Variants in SCNM1 observed in about 807,000 individuals in gnomAD.
SCNM1 encodes sodium channel modifier 1.
In SCNM1, 24 loss-of-function variants were observed where a neutral mutation model predicts 32.8. That is an observed-to-expected ratio of 0.73 (90% CI 0.53 to 1.03). The LOEUF (loss-of-function observed/expected upper bound fraction) is 1.03. SCNM1 is among the 50% of genes least tolerant of loss of function. SCNM1 has a pLI of 0.00. For synonymous variants in SCNM1, 99 were observed against 103.2 expected, an observed-to-expected ratio of 0.96 and a Z score of 0.25; for missense variants, 274 against 282.3, an observed-to-expected ratio of 0.97 and a Z score of 0.21.
rs1040716312 is a variant in SCNM1, at chr1:151,166,542, G to GT, written c.122+2dup. 1 of 1,613,750 alleles carries GT rather than the reference G, an allele frequency of 6.2e-7. No individual in the cohort carries two copies. ...AGGCGCTGATGCTTCGGGATGGACGGTAAGAGCAAGGAGTGGCTCAAGCCT... is the reference window on the plus strand; with the variant it reads ...AGGCGCTGATGCTTCGGGATGGACGGTTAAGAGCAAGGAGTGGCTCAAGCCT... On this transcript the variant is annotated splice_donor_variant, in intron 2 of 6. Transcript: ENST00000368905. LOFTEE classifies it high-confidence loss of function.
rs1218141282 is a variant in SCNM1, at chr1:151,169,046, C to T, written c.654C>T (p.Asp218=). ...RWVKDENVEF[D]SDEEEPPDLP... is the part of the protein sequence containing the mutation. ...TAAAAGATGAAAATGTTGAGTTTGA[C>T]TCTGATGAGGAGGAACCACCTGATC... is the stretch of plus-strand genomic sequence containing the variant. The change falls in exon 7 of 7, where the codon GAC becomes GAT. Residue 218 remains aspartate (D), a synonymous_variant. Coordinates refer to ENST00000368905, the MANE Select transcript of SCNM1 (RefSeq NM_024041.4). 1 of 1,614,032 alleles carries T rather than the reference C, an allele frequency of 6.2e-7. No homozygotes were observed. The highest frequency in any genetic ancestry group is 1.7e-5 in the Admixed American group (1 of 59,992).
chr1:151,168,817 T>G (rs1683839414), intron 6 of SCNM1, among the ~76,000 whole-genome samples, 169 bp from the exon 7 acceptor site: 1 of 85,942 alleles, frequency 1.2e-5, no homozygotes, highest in East Asian at 2.7e-4. Flanking sequence ...TTTTTTTTTT[T>G]GGTAGAGACA....
Position 151,166,216 on chromosome 1 carries a change from G to A in SCNM1, c.51+13G>A, listed in dbSNP as rs752885739. 1.3e-5 allele frequency: 21 copies of A among 1,590,934 alleles called. No homozygotes were observed. The highest frequency in any genetic ancestry group is 1.8e-5 in the Non-Finnish European group (21 of 1,167,478). On this transcript the variant is annotated intron_variant, in intron 1 of 6. Coordinates refer to ENST00000368905, the MANE Select transcript of SCNM1 (RefSeq NM_024041.4). ...CAATGTGCTCAAAGTAAGCGTGAGCGGAGAGGATCTGGAGCCGCTTCAGTC... is the reference window on the plus strand; with the variant it reads ...CAATGTGCTCAAAGTAAGCGTGAGCAGAGAGGATCTGGAGCCGCTTCAGTC...
intron 5 of SCNM1, 52 bp from the exon 6 acceptor site, chr1:151,168,092 G>A (rs1232317781): frequency 2.0e-6 from 3 of 1,520,274 alleles, no homozygotes; most frequent in Non-Finnish European, 2.7e-6. Flanking sequence ...GGAGTCATAG[G>A]AGAGTTGGCC....
intron 3 of SCNM1, 42 bp from the exon 4 acceptor site, chr1:151,167,079 T>C (rs1683740061): frequency 6.2e-7 from 1 of 1,614,114 alleles, no homozygotes; most frequent in African/African-American, 1.3e-5. Flanking sequence ...TGCACACCAC[T>C]CTTGGTGCTA....
rs1349343262 is a variant in SCNM1, at chr1:151,166,925, C to T, written c.123-9C>T. The T allele has an allele frequency of 1.2e-6, 2 of 1,613,970 alleles. No individual in the cohort carries two copies. The highest frequency in any genetic ancestry group is 2.2e-5 in the East Asian group (1 of 44,882). On this transcript the variant is annotated splice_polypyrimidine_tract_variant and intron_variant, in intron 2 of 6. Transcript: ENST00000368905. ...TGGACCACTTATCCTCTTCTCTACC[C>T]CTGCTCAGCTTTGCTTGTGCCATCT...
Position 151,167,351 on chromosome 1 carries a change from T to C in SCNM1, c.335T>C (p.Leu112Pro). The part of the protein sequence containing the change: ...AEAPLLTQTR[L>P]ITQSALHRAP... The stretch of plus-strand genomic sequence containing the variant: ...GCTCCTCTGCTAACTCAGACACGAC[T>C]TATCACCCAGAGTGCTCTGCACAGA... Residue 112 changes from leucine to proline, a missense_variant, in exon 5 of 7, where the codon CTT (leucine) becomes CCT (proline). By Grantham distance (98) the Leu-to-Pro change is moderately conservative. Transcript: ENST00000368905. 6.2e-7 allele frequency: 1 copy of C among 1,614,098 alleles called. No individual in the cohort carries two copies. Among genetic ancestry groups the C allele is most frequent in the Non-Finnish European group, 8.5e-7 (1 of 1,180,020 alleles).
chr1:151,167,180 C>T lies in SCNM1; in HGVS notation c.271C>T (p.His91Tyr). 3.1e-6 allele frequency: 5 copies of T among 1,614,180 alleles called. No homozygotes were observed. Among genetic ancestry groups the T allele is most frequent in the Non-Finnish European group, 4.2e-6 (5 of 1,180,036 alleles). ...AAAGGAAAGAAAGCAGAATCCAAAA[C>T]ATCAGAATGAATTGAGAAGGGAAGA... Reference protein sequence around the residue: ...PGKERKQNPKHQNELRREETK... With the variant: ...PGKERKQNPKYQNELRREETK... Residue 91 changes from histidine to tyrosine, a missense_variant, in exon 4 of 7, where the codon CAT becomes TAT. Physicochemically the swap from His to Tyr is moderately conservative, Grantham distance 83 (BLOSUM62 2). Transcript: ENST00000368905.
Position 151,166,964 on chromosome 1 carries a change from G to A in SCNM1, c.153G>A (p.Pro51=), listed in dbSNP as rs369088327. ...RFACAICPHR[P]VLDTLAMLTA... ...CTTGTGCCATCTGCCCCCATCGACCGGTACTGGACACCCTGGCCATGCTGA... is the reference window on the plus strand; with the variant it reads ...CTTGTGCCATCTGCCCCCATCGACCAGTACTGGACACCCTGGCCATGCTGA... The change falls in exon 3 of 7, where the codon CCG becomes CCA. Residue 51 remains proline, a synonymous_variant. Coordinates refer to ENST00000368905, the MANE Select transcript of SCNM1 (RefSeq NM_024041.4). The A allele has an allele frequency of 9.9e-6, 16 of 1,613,948 alleles. No homozygotes were observed. The highest frequency in any genetic ancestry group is 4.0e-5 in the African/African-American group (3 of 74,872).
At chr1:151,167,765 G>A (rs1185508867) in intron 5 of SCNM1, 3 of 353,358 alleles carry the variant, frequency 8.5e-6, no homozygotes, top group Admixed American at 8.8e-5. Flanking sequence ...CCGGGAGACA[G>A]AGGTTGCAGT....
Position 151,170,121 on chromosome 1 carries a change from T to C in SCNM1, c.*1036T>C. Reference sequence around the variant, plus strand: ...CTGGCGACCTGTAAAGGAGCAATATTAAACATAAGTGTTTGTTCCAGCTCC... The same window carrying C: ...CTGGCGACCTGTAAAGGAGCAATATCAAACATAAGTGTTTGTTCCAGCTCC... On this transcript the variant is annotated 3_prime_UTR_variant, in exon 7 of 7. Transcript: ENST00000368905. The C allele has an allele frequency of 6.2e-7, 1 of 1,614,152 alleles. No homozygotes were observed. The highest frequency in any genetic ancestry group is 8.5e-7 in the Non-Finnish European group (1 of 1,180,008).
chr1:151,169,321 T>A lies in SCNM1; in HGVS notation c.*236T>A. On this transcript the variant is annotated 3_prime_UTR_variant, in exon 7 of 7. Transcript: ENST00000368905. ...GTGCAGTGGCACGATCTCGGCTCACTGCAAGCTCTGCCTCCCAGGTTCACG... is the reference window on the plus strand; with the variant it reads ...GTGCAGTGGCACGATCTCGGCTCACAGCAAGCTCTGCCTCCCAGGTTCACG... 2.7e-6 allele frequency: 1 copy of A among 367,256 alleles called. No homozygotes were observed. The highest frequency in any genetic ancestry group is 4.2e-5 in the South Asian group (1 of 23,818). 22.7% of individuals were successfully genotyped at this position (367,256 alleles called of 1,614,324 possible).
Position 151,170,273 on chromosome 1 carries a change from T to A in SCNM1, c.*1188T>A. 1.2e-6 allele frequency: 1 copy of A among 866,594 alleles called. No homozygotes were observed. The highest frequency in any genetic ancestry group is 1.8e-6 in the Non-Finnish European group (1 of 557,666). 53.7% of individuals were successfully genotyped at this position (866,594 alleles called of 1,614,324 possible). ...ACAAAACAAGAAACCACACCACAAA[T>A]AAAATTACGATACCTCTAAACAAGT... On this transcript the variant is annotated 3_prime_UTR_variant, in exon 7 of 7. Coordinates refer to ENST00000368905, the MANE Select transcript of SCNM1 (RefSeq NM_024041.4).
chr1:151,167,862 G>C lies in SCNM1; in HGVS notation c.399-282G>C, dbSNP rs1012006558. ...AAAAAGAAAAGAAAGAAAAAGAAAA[G>C]GAGAATTTTGTGATTTTTAAATAAA... On this transcript the variant is annotated intron_variant, in intron 5 of 6. Transcript: ENST00000368905. 10 of 349,940 alleles carry C rather than the reference G, an allele frequency of 2.9e-5. No individual in the cohort carries two copies. In the South Asian group the frequency reaches 6.2e-4, roughly 22 times the overall value. The allele number at this position is 349,940 out of a possible 1,614,324, so 21.7% of individuals were successfully genotyped here. A position where few individuals can be genotyped will look rare whatever the true frequency, so the allele number is the denominator to read the frequency against.
intron 1 of SCNM1, 62 bp downstream of exon 1, chr1:151,166,265 C>T (rs1238488933): frequency 5.7e-5 from 89 of 1,557,328 alleles, no homozygotes; most frequent in Admixed American, 7.8e-5. Flanking sequence ...TGGGAAGGAG[C>T]TTTGTTTCAT....
Position 151,170,096 on chromosome 1 carries a change from C to T in SCNM1, c.*1011C>T. The T allele has an allele frequency of 6.2e-7, 1 of 1,614,182 alleles. No individual in the cohort carries two copies. The highest frequency in any genetic ancestry group is 8.5e-7 in the Non-Finnish European group (1 of 1,180,004). On this transcript the variant is annotated 3_prime_UTR_variant, in exon 7 of 7. Transcript: ENST00000368905. ...AAATGCAGTGTTATCTCTTCTTTTG[C>T]TGGCGACCTGTAAAGGAGCAATATT...
In SCNM1 at chr1:151,166,969, TG is replaced by T. The variant is rs777603018; in HGVS notation, c.160del (p.Asp54ThrfsTer6). ...ACAICPHRPVLDTLAMLTAHR... is the reference protein window; with the variant it reads ...ACAICPHRPVXDTLAMLTAHR... Reference sequence around the variant, plus strand: ...GCCATCTGCCCCCATCGACCGGTACTGGACACCCTGGCCATGCTGACTGCCC... The same window carrying T: ...GCCATCTGCCCCCATCGACCGGTACTGACACCCTGGCCATGCTGACTGCCC... On this transcript the variant is annotated frameshift_variant, in exon 3 of 7. Coordinates refer to ENST00000368905, the MANE Select transcript of SCNM1 (RefSeq NM_024041.4). LOFTEE classifies it high-confidence loss of function. The T allele has an allele frequency of 6.2e-7, 1 of 1,614,138 alleles. No individual in the cohort carries two copies. The highest frequency in any genetic ancestry group is 8.5e-7 in the Non-Finnish European group (1 of 1,180,038).
chr1:151,168,061 A>G, intron 5 of SCNM1, 83 bp from the exon 6 acceptor site: 2 of 1,367,320 alleles, frequency 1.5e-6, no homozygotes, highest in South Asian at 1.6e-5. Flanking sequence ...ATAGTTTAAG[A>G]AGCACTGTTT....
chr1:151,169,365 C>T lies in SCNM1; in HGVS notation c.*280C>T. 3.6e-6 allele frequency: 1 copy of T among 277,326 alleles called. No homozygotes were observed. The highest frequency in any genetic ancestry group is 6.9e-6 in the Non-Finnish European group (1 of 145,278). 17.2% of individuals were successfully genotyped at this position (277,326 alleles called of 1,614,324 possible). On this transcript the variant is annotated 3_prime_UTR_variant, in exon 7 of 7. Transcript: ENST00000368905. ...GTTCACGCCTTTCTCCTGCCTCAGCCTCCTGAGTAGCTGGGACTACAGGCG... is the reference window on the plus strand; with the variant it reads ...GTTCACGCCTTTCTCCTGCCTCAGCTTCCTGAGTAGCTGGGACTACAGGCG...
Sources: allele counts gnomAD v4.1 joint callset (sites outside exome capture counted in the v4.1 genomes callset), GRCh38; gene constraint gnomAD v4.1.1; transcripts MANE v1.5; gene names NCBI Gene and HGNC (gene_info 2026-07-23, HGNC 2026-07-21).